The following ITPRID1 variants were observed in gnomAD, a reference collection of about 807,000 sequenced individuals.
The protein encoded by ITPRID1 is ITPR interacting domain containing 1.
A neutral mutation model predicts 95.4 loss-of-function variants in ITPRID1; 96 were observed. That is an observed-to-expected ratio of 1.01 (90% confidence interval 0.85 to 1.19). The LOEUF (loss-of-function observed/expected upper bound fraction) is 1.19, where lower values mean the gene tolerates loss of function less well. Among genes scored for constraint, ITPRID1 ranks in the 50% most tolerant of loss-of-function variants. ITPRID1 has a pLI of 0.00. For synonymous variants in ITPRID1, 510 were observed against 453.6 expected (o/e 1.12, Z -1.58); for missense variants, 1,339 against 1,252.9 (o/e 1.07, Z -1.04).
chr7:31,616,875 C>A (rs930385718), intron 10 of ITPRID1, among the ~76,000 whole-genome samples: 5 of 151,800 alleles, frequency 3.3e-5, no homozygotes, highest in Non-Finnish European at 7.4e-5. Flanking sequence ...TACCAGATAC[C>A]CAAACCTCTC....
intron 5 of ITPRID1, among the ~76,000 whole-genome samples, chr7:31,558,811 A>G (rs1181744285): frequency 1.3e-5 from 2 of 152,178 alleles, no homozygotes; most frequent in African/African-American, 4.8e-5. Context: ...ATCAATTGTC[A>G]TTAAGTTTAT....
chr7:31,640,972 G>A (rs1214132712), intron 10 of ITPRID1, among the ~76,000 whole-genome samples: 1 of 152,018 alleles, frequency 6.6e-6, no homozygotes, highest in Non-Finnish European at 1.5e-5. Context: ...ATACAAAATT[G>A]AGCCATTACT....
chr7:31,618,081 C>T (rs1787441667), intron 10 of ITPRID1, among the ~76,000 whole-genome samples: 1 of 152,196 alleles, frequency 6.6e-6, no homozygotes, highest in Non-Finnish European at 1.5e-5. Context: ...CTATCAGGTT[C>T]ACAGACTTTT....
chr7:31,642,544 G>C (rs560131554), intron 11 of ITPRID1, 138 bp from the exon 12 acceptor site: 2 of 775,644 alleles, frequency 2.6e-6, no homozygotes, highest in South Asian at 3.8e-5. Context: ...TTGGTAAAGA[G>C]GTAAACAGAT....
chr7:31,540,710 C>T (rs982490530), intron 1 of ITPRID1, among the ~76,000 whole-genome samples: 3 of 152,180 alleles, frequency 2.0e-5, no homozygotes, highest in African/African-American at 7.2e-5. Context: ...CTTTTTAAAG[C>T]CAAGCCCAGC....
At chr7:31,631,338 A>G (rs1409352003) in intron 10 of ITPRID1, among the ~76,000 whole-genome samples, 1 of 152,246 alleles carries the variant, frequency 6.6e-6, no homozygotes, top group Admixed American at 6.5e-5. Flanking sequence ...AAAAATTCAC[A>G]TTATATGAAA....
At chr7:31,553,488 C>G (rs1784352349) in intron 3 of ITPRID1, among the ~76,000 whole-genome samples, 1 of 152,174 alleles carries the variant, frequency 6.6e-6, no homozygotes, top group South Asian at 2.1e-4. Context: ...GGGGTCTGGG[C>G]ATGAGGCTTC....
intron 10 of ITPRID1, among the ~76,000 whole-genome samples, chr7:31,585,413 TC>T (rs1785554627): frequency 6.6e-6 from 1 of 151,526 alleles, no homozygotes. Flanking sequence ...AAATATACTA[TC>T]CTCCCTGAGC....
intron 1 of ITPRID1, among the ~76,000 whole-genome samples, chr7:31,523,355 T>C (rs1355409417): frequency 6.6e-6 from 1 of 152,202 alleles, no homozygotes; most frequent in East Asian, 1.9e-4. Flanking sequence ...CTTAACTAGT[T>C]GACTCTTTAA....
chr7:31,627,140 G>C (rs1788538054), intron 10 of ITPRID1, among the ~76,000 whole-genome samples: 1 of 152,164 alleles, frequency 6.6e-6, no homozygotes, highest in Non-Finnish European at 1.5e-5. Flanking sequence ...CACTGGAGAA[G>C]CTCCTCAATG....
At chr7:31,646,195 A>G (rs962161915) in intron 12 of ITPRID1, among the ~76,000 whole-genome samples, 2 of 152,124 alleles carry the variant, frequency 1.3e-5, no homozygotes, top group African/African-American at 4.8e-5. Context: ...ACTCCAGGAG[A>G]AATGGTTTTT....
intron 7 of ITPRID1, among the ~76,000 whole-genome samples, chr7:31,573,632 G>T (rs939581433): frequency 3.3e-5 from 5 of 151,936 alleles, no homozygotes; most frequent in Admixed American, 6.6e-5. Context: ...AAAGAGCTGA[G>T]CAAACCTGGT....
At chr7:31,560,654 A>G (rs1340034529) in intron 5 of ITPRID1, among the ~76,000 whole-genome samples, 2 of 152,234 alleles carry the variant, frequency 1.3e-5, no homozygotes, top group Non-Finnish European at 2.9e-5. Flanking sequence ...ATGACTGCAA[A>G]AATGTTGCCC....
intron 5 of ITPRID1, among the ~76,000 whole-genome samples, chr7:31,556,910 G>A (rs758472073): frequency 3.6e-4 from 54 of 151,954 alleles, no homozygotes; most frequent in Non-Finnish European, 5.9e-4. Context: ...GTGTCACCAA[G>A]ACTGATCTCC....
chr7:31,599,155 ACAT>A (rs556077074), intron 10 of ITPRID1, among the ~76,000 whole-genome samples: 125 of 152,362 alleles, frequency 8.2e-4, no homozygotes, highest in African/African-American at 2.8e-3. Flanking sequence ...TTTGTCAACA[ACAT>A]AAGGGCAATC....
downstream of ITPRID1, among the ~76,000 whole-genome samples, chr7:31,657,132 A>G (rs1027539620): frequency 6.7e-5 from 10 of 148,752 alleles, no homozygotes; most frequent in Admixed American, 3.3e-4. Context: ...TATATCAAAT[A>G]TATATAATCA....
At chr7:31,571,955 G>A (rs1029751233) in intron 6 of ITPRID1, 147 bp from the exon 7 acceptor site, 2 of 558,512 alleles carry the variant, frequency 3.6e-6, no homozygotes, top group African/African-American at 3.8e-5. Context: ...ACTGCAAGCT[G>A]TCTTCTGCAA....
Position 31,599,651 on chromosome 7 carries a change from CTTT to C in ITPRID1, c.1228+16461_1228+16463del, listed in dbSNP as rs1562598931. Among the ~76,000 whole-genome samples the C allele has an allele frequency of 8.6e-3, 173 of 20,118 alleles. 4 individuals are homozygous for C. The highest frequency in any genetic ancestry group is 0.022 in the African/African-American group (127 of 5,848). The allele number at this position is 20,118 out of a possible 152,430, so 13.2% of individuals were successfully genotyped here. A position where few individuals can be genotyped will look rare whatever the true frequency, so the allele number is the denominator to read the frequency against. Reference sequence around the variant, plus strand: ...TTTCTTTCTTTCTTTCTTTCTTTTTCTTTCTTTCCTTTCTCTCTCTCTCTCTCT... The same window carrying C: ...TTTCTTTCTTTCTTTCTTTCTTTTTCCTTTCCTTTCTCTCTCTCTCTCTCT... On this transcript the variant is annotated intron_variant, in intron 10 of 14. Coordinates refer to ENST00000615280, the MANE Select transcript of ITPRID1 (RefSeq NM_001257967.3).
At chr7:31,551,988 C>T (rs1173108970) in intron 2 of ITPRID1, 4 of 389,186 alleles carry the variant, frequency 1.0e-5, no homozygotes, top group Non-Finnish European at 2.1e-5. Flanking sequence ...TGATTCACCA[C>T]CTACTATGTG....
Sources: allele counts gnomAD v4.1 joint callset (sites outside exome capture counted in the v4.1 genomes callset), GRCh38; gene constraint gnomAD v4.1.1; transcripts MANE v1.5; gene names NCBI Gene and HGNC (gene_info 2026-07-23, HGNC 2026-07-21).